The following CXCR2 variants were observed in gnomAD, a reference collection of about 807,000 sequenced individuals.
CXCR2 encodes C-X-C chemokine receptor type 2.
In CXCR2, 2 loss-of-function variants were observed where a neutral mutation model predicts 3.7. The ratio of observed to expected loss-of-function variants is 0.55; its 90% CI spans 0.22 to 1.72. CXCR2 has a LOEUF of 1.72. Ranked by LOEUF, CXCR2 falls within the 40% of genes most tolerant of loss-of-function variation. CXCR2 has a pLI of 0.19. For missense variants in CXCR2, 351 were observed against 450.1 expected (o/e 0.78, Z 1.99); for synonymous variants, 203 against 193.3 (o/e 1.05, Z -0.41).
At chr2:218,126,447 G>A (rs1380658723) in intron 1 of CXCR2, 94 bp downstream of exon 1, 2 of 152,302 alleles carry the variant, frequency 1.3e-5, no homozygotes, top group African/African-American at 4.8e-5. Flanking sequence ...TGAGAACTGG[G>A]GTGATGAAGT....
In CXCR2 at chr2:218,133,949, G is replaced by A. The variant is rs545131448; in HGVS notation, c.-25-828G>A. On this transcript the variant is annotated intron_variant, in intron 2 of 2. Transcript: ENST00000318507. Reference sequence around the variant, plus strand: ...ACCCACAGGGAGAATCAGGCAGCCCGCTTGCTTATTGTTTTTAATATACTT... The same window carrying A: ...ACCCACAGGGAGAATCAGGCAGCCCACTTGCTTATTGTTTTTAATATACTT... Among the ~76,000 whole-genome samples, 33 of 152,316 alleles carry A rather than the reference G, an allele frequency of 2.2e-4. 1 individual carries two copies. In the East Asian group the frequency reaches 3.1e-3, roughly 14 times the overall value.
chr2:218,128,117 G>A (rs893767957), intron 1 of CXCR2, among the ~76,000 whole-genome samples: 2 of 152,106 alleles, frequency 1.3e-5, no homozygotes, highest in African/African-American at 4.8e-5. Flanking sequence ...TTCTGTATTG[G>A]CCCCATTTTA....
At position 218,134,816 on chromosome 2, in the gene CXCR2, C is replaced by G. The variant is rs777607343; in HGVS notation, c.15C>G (p.Asn5Lys). The G allele has an allele frequency of 1.1e-5, 17 of 1,612,822 alleles. No individual in the cohort carries two copies. The South Asian group carries it at 1.9e-4, about 18-fold the overall frequency. The change falls in exon 3 of 3, where the codon AAC (asparagine) becomes AAG (lysine). Residue 5 changes from asparagine (N) to lysine (K), a missense_variant. Asn to Lys is a moderately conservative substitution (Grantham distance 94). Coordinates refer to ENST00000318507, the MANE Select transcript of CXCR2 (RefSeq NM_001557.4). ...TTACCTCAAAAATGGAAGATTTTAA[C>G]ATGGAGAGTGACAGCTTTGAAGATT... The part of the protein sequence containing the change: MEDF[N>K]MESDSFEDFW...
At position 218,137,063 on chromosome 2, in the gene CXCR2, A is replaced by T. The variant is rs1690827347; in HGVS notation, c.*1179A>T. The T allele has an allele frequency of 6.0e-6, 1 of 167,130 alleles. No individual in the cohort carries two copies. The highest frequency in any genetic ancestry group is 6.5e-5 in the Admixed American group (1 of 15,292). 10.4% of individuals were successfully genotyped at this position (167,130 alleles called of 1,614,324 possible). ...ACTTAATGCCACTAAATTGACACTT[A>T]AAAATGGTTTAAATGGTCAATTTTG... On this transcript the variant is annotated 3_prime_UTR_variant, in exon 3 of 3. Transcript: ENST00000318507.
chr2:218,131,626 C>A (rs1343751876), intron 2 of CXCR2, among the ~76,000 whole-genome samples: 1 of 151,918 alleles, frequency 6.6e-6, no homozygotes, highest in African/African-American at 2.4e-5. Flanking sequence ...CCCGCCACCA[C>A]GCCCAGCTAA....
intron 2 of CXCR2, 139 bp from the exon 3 acceptor site, chr2:218,134,638 A>G: frequency 1.4e-6 from 1 of 737,104 alleles, no homozygotes; most frequent in Non-Finnish European, 2.2e-6. Context: ...CCTAAGAGCT[A>G]CCACTTACAA....
In CXCR2 at chr2:218,131,509, G is replaced by A. The variant is rs200638828; in HGVS notation, c.-26+2144G>A. The stretch of plus-strand genomic sequence containing the variant: ...TTTTTGAGACGGAGTCTCCTCTGTC[G>A]CCCAGGCTGGAGTGCAGTGGCGCCA... On this transcript the variant is annotated intron_variant, in intron 2 of 2. Coordinates refer to ENST00000318507, the MANE Select transcript of CXCR2 (RefSeq NM_001557.4). Among the ~76,000 whole-genome samples, 21 of 137,816 alleles carry A rather than the reference G, an allele frequency of 1.5e-4. 1 individual carries two copies. The South Asian group carries it at 2.0e-3, about 13-fold the overall frequency. 90.4% of individuals were successfully genotyped at this position (137,816 alleles called of 152,430 possible).
chr2:218,135,137 G>T lies in CXCR2; in HGVS notation c.336G>T (p.Trp112Cys). The change falls in exon 3 of 3, where the codon TGG (tryptophan) becomes TGT (cysteine). Residue 112 changes from tryptophan (W) to cysteine (C), a missense_variant. By Grantham distance (215) the Trp-to-Cys change is radical (BLOSUM62 -2). Transcript: ENST00000318507. The surrounding 1 kb of genome is among the most constrained non-coding windows in gnomAD (Gnocchi z 4.0). The stretch of plus-strand genomic sequence containing the variant: ...GGGCCGCCTCCAAGGTGAATGGCTG[G>T]ATTTTTGGCACATTCCTGTGCAAGG... ...PIWAASKVNG[W>C]IFGTFLCKVV... The T allele has an allele frequency of 1.1e-5, 18 of 1,614,218 alleles. No homozygotes were observed. Among genetic ancestry groups the T allele is most frequent in the Non-Finnish European group, 1.5e-5 (18 of 1,180,042 alleles).
chr2:218,131,852 A>G (rs1309249234), intron 2 of CXCR2, among the ~76,000 whole-genome samples: 1 of 151,650 alleles, frequency 6.6e-6, no homozygotes, highest in Admixed American at 6.6e-5. Context: ...AAGGCAATGT[A>G]TCTGGCCCCT....
rs906606508 is a variant in CXCR2 at position 218,136,708 on chromosome 2, T to C, written c.*824T>C. 6.0e-6 allele frequency: 1 copy of C among 167,066 alleles called. No homozygotes were observed. The highest frequency in any genetic ancestry group is 1.5e-5 in the Non-Finnish European group (1 of 68,124). The allele number at this position is 167,066 out of a possible 1,614,324, so 10.3% of individuals were successfully genotyped here. ...AAATGTTCATCAATGAATGAATGAA[T>C]GGCTAAGCAAAATGTGATATGTACC... On this transcript the variant is annotated 3_prime_UTR_variant, in exon 3 of 3. Coordinates refer to ENST00000318507, the MANE Select transcript of CXCR2 (RefSeq NM_001557.4).
In CXCR2 at chr2:218,130,425, A is replaced by G. The variant is rs190997442; in HGVS notation, c.-26+1060A>G. The stretch of plus-strand genomic sequence containing the variant: ...CAGAGCGAGACTGCATCAAAAAAAG[A>G]AAAAAAGAAAGAAAAAGAGAACTTA... On this transcript the variant is annotated intron_variant, in intron 2 of 2. Coordinates refer to ENST00000318507, the MANE Select transcript of CXCR2 (RefSeq NM_001557.4). Among the ~76,000 whole-genome samples, 84 of 152,298 alleles carry G rather than the reference A, an allele frequency of 5.5e-4. No individual in the cohort carries two copies. The East Asian group carries it at 0.011, about 19-fold the overall frequency.
chr2:218,134,966 T>C lies in CXCR2; in HGVS notation c.165T>C (p.Tyr55=). 6.2e-7 allele frequency: 1 copy of C among 1,614,226 alleles called. No homozygotes were observed. The highest frequency in any genetic ancestry group is 8.5e-7 in the Non-Finnish European group (1 of 1,180,044). ...ACAAGTATTTTGTGGTCATTATCTATGCCCTGGTATTCCTGCTGAGCCTGC... is the reference window on the plus strand; with the variant it reads ...ACAAGTATTTTGTGGTCATTATCTACGCCCTGGTATTCCTGCTGAGCCTGC... ...EINKYFVVII[Y]ALVFLLSLLG... is the part of the protein sequence containing the mutation. The change falls in exon 3 of 3, where the codon TAT becomes TAC. Residue 55 remains tyrosine (Y), a synonymous_variant. Coordinates refer to ENST00000318507, the MANE Select transcript of CXCR2 (RefSeq NM_001557.4).
At position 218,135,731 on chromosome 2, in the gene CXCR2, C is replaced by T. The variant is rs544347825; in HGVS notation, c.930C>T (p.Asn310=). The change falls in exon 3 of 3, where the codon AAC becomes AAT. Residue 310 remains asparagine, a synonymous_variant. Coordinates refer to ENST00000318507, the MANE Select transcript of CXCR2 (RefSeq NM_001557.4). The surrounding 1 kb of genome is among the most constrained non-coding windows in gnomAD (Gnocchi z 4.0). ...TGGGCATCCTTCACAGCTGCCTCAA[C>T]CCCCTCATCTACGCCTTCATTGGCC... ...EILGILHSCL[N]PLIYAFIGQK... 1.7e-5 allele frequency: 27 copies of T among 1,614,102 alleles called. No homozygotes were observed. The South Asian group carries it at 2.1e-4, about 12-fold the overall frequency.
Position 218,134,927 on chromosome 2 carries a change from A to G in CXCR2, c.126A>G (p.Glu42=). 1 of 1,614,152 alleles carries G rather than the reference A, an allele frequency of 6.2e-7. No homozygotes were observed. The highest frequency in any genetic ancestry group is 8.5e-7 in the Non-Finnish European group (1 of 1,180,026). ...FLLDAAPCEP[E]SLEINKYFVV... ...TAGATGCCGCCCCATGTGAACCAGAATCCCTGGAAATCAACAAGTATTTTG... is the reference window on the plus strand; with the variant it reads ...TAGATGCCGCCCCATGTGAACCAGAGTCCCTGGAAATCAACAAGTATTTTG... The change falls in exon 3 of 3, where the codon GAA becomes GAG. Residue 42 remains glutamate, a synonymous_variant. Transcript: ENST00000318507.
rs199905091 is a variant in CXCR2 at position 218,134,863 on chromosome 2, G to A, written c.62G>A (p.Ser21Asn). The A allele has an allele frequency of 6.2e-7, 1 of 1,614,172 alleles. No homozygotes were observed. The highest frequency in any genetic ancestry group is 8.5e-7 in the Non-Finnish European group (1 of 1,180,028). The change falls in exon 3 of 3, where the codon AGT becomes AAT. Residue 21 changes from serine (S) to asparagine (N), a missense_variant. By Grantham distance (46) the Ser-to-Asn change is conservative (BLOSUM62 1). Transcript: ENST00000318507. ...FEDFWKGEDL[S>N]NYSYSSTLPP... ...GATTTCTGGAAAGGTGAAGATCTTAGTAATTACAGTTACAGCTCTACCCTG... is the reference window on the plus strand; with the variant it reads ...GATTTCTGGAAAGGTGAAGATCTTAATAATTACAGTTACAGCTCTACCCTG...
At chr2:218,128,114 T>C (rs961129291) in intron 1 of CXCR2, among the ~76,000 whole-genome samples, 9 of 152,242 alleles carry the variant, frequency 5.9e-5, no homozygotes, top group Non-Finnish European at 1.2e-4. Flanking sequence ...GGATTCTGTA[T>C]TGGCCCCATT....
intron 1 of CXCR2, among the ~76,000 whole-genome samples, chr2:218,126,929 G>T (rs1261530189): frequency 6.6e-6 from 1 of 152,138 alleles, no homozygotes; most frequent in Non-Finnish European, 1.5e-5. Context: ...GCCCACCTCG[G>T]CCTCCCAAAG....
rs545521504 is a variant in CXCR2, at chr2:218,128,546, T to C, written c.-77-768T>C. 4.6e-5 allele frequency among the ~76,000 whole-genome samples: 7 copies of C among 152,218 alleles called. No homozygotes were observed. The South Asian group carries it at 1.4e-3, about 31-fold the overall frequency. On this transcript the variant is annotated intron_variant, in intron 1 of 2. Coordinates refer to ENST00000318507, the MANE Select transcript of CXCR2 (RefSeq NM_001557.4). Reference sequence around the variant, plus strand: ...CATTCATTTGTAATCAATAGCAAATTGATAAAATACATTCTTAGGGTCACT... The same window carrying C: ...CATTCATTTGTAATCAATAGCAAATCGATAAAATACATTCTTAGGGTCACT...
chr2:218,125,565 G>A (rs3888789), upstream of CXCR2: 7 of 122,454 alleles, frequency 5.7e-5, no homozygotes, highest in African/African-American at 1.5e-4. Flanking sequence ...TGGGGGGAAA[G>A]AAAGCAATTT....
Sources: gnomAD v4.1 joint callset for allele counts (sites outside exome capture counted in the v4.1 genomes callset) on GRCh38, gnomAD v4.1.1 for gene constraint, Gnocchi (gnomAD v3.1) non-coding constraint, MANE v1.5 for transcripts, NCBI Gene and HGNC (gene_info 2026-07-23, HGNC 2026-07-21) for gene names.